Variants in HERC2 observed in about 807,000 individuals in gnomAD.
HERC2 encodes E3 ubiquitin-protein ligase HERC2.
Under a neutral mutation model 537.7 loss-of-function variants are expected in HERC2, and 102 were observed. The ratio of observed to expected loss-of-function variants is 0.19; its 90% confidence interval spans 0.16 to 0.22. The LOEUF is 0.22. Ranked by LOEUF, HERC2 falls within the 10% of genes least tolerant of loss-of-function variation. The pLI, the probability that HERC2 is intolerant of heterozygous loss-of-function variation, is 1.00. For synonymous variants in HERC2, 2,224 were observed against 2,466.2 expected, an observed-to-expected ratio of 0.90 and a Z score of 2.91; for missense variants, 4,236 against 6,198.2, an observed-to-expected ratio of 0.68 and a Z score of 10.63.
chr15:28,320,573 G>T (rs1396196842), intron 2 of HERC2: 1 of 151,956 alleles, frequency 6.6e-6, no homozygotes, highest in Non-Finnish European at 1.5e-5. Context: ...AACAGTCAAG[G>T]CACATTACTT....
At chr15:28,259,288 T>C (rs1456962435) in intron 16 of HERC2, among the ~76,000 whole-genome samples, 1 of 151,884 alleles carries the variant, frequency 6.6e-6, no homozygotes, top group Non-Finnish European at 1.5e-5. Flanking sequence ...TAGAAACAGG[T>C]TTCACCATGT....
In HERC2 at chr15:28,229,259, G is replaced by A. The variant is rs375432885; in HGVS notation, c.5208C>T (p.Tyr1736=). Reference sequence around the variant, plus strand: ...TTCGAATGTTCTGTACAGCCCAAGCGTACAGCTTGCCAAAGGTGACTTCCA... The same window carrying A: ...TTCGAATGTTCTGTACAGCCCAAGCATACAGCTTGCCAAAGGTGACTTCCA... ...MLLEVTFGKL[Y]AWAVQNIRNV... Residue 1736 remains tyrosine (Y), a synonymous_variant, in exon 34 of 93, where the codon TAC becomes TAT. Transcript: ENST00000261609. The A allele has an allele frequency of 8.7e-6, 14 of 1,613,584 alleles. No homozygotes were observed. Among genetic ancestry groups the A allele is most frequent in the East Asian group, 6.7e-5 (3 of 44,890 alleles).
At chr15:28,150,037 G>A (rs1364924070) in intron 70 of HERC2, among the ~76,000 whole-genome samples, 2 of 150,666 alleles carry the variant, frequency 1.3e-5, no homozygotes, top group Non-Finnish European at 2.9e-5. Flanking sequence ...AAAAACACAC[G>A]TGACTTCTAA....
chr15:28,206,271 A>C lies in HERC2; in HGVS notation c.7181T>G (p.Val2394Gly). 2 of 1,061,938 alleles carry C rather than the reference A, an allele frequency of 1.9e-6. No homozygotes were observed. The highest frequency in any genetic ancestry group is 2.8e-6 in the Non-Finnish European group (2 of 711,328). 65.8% of individuals were successfully genotyped at this position (1,061,938 alleles called of 1,614,324 possible). A position where few individuals can be genotyped will look rare whatever the true frequency, so the allele number is the denominator to read the frequency against. Reference protein sequence around the residue: ...LLASATQPSPVKAIFDKQELE... With the variant: ...LLASATQPSPGKAIFDKQELE... ...TTCCTGTTTATCAAATATGGCCTTC[A>C]CAGGAGACGGCTGGGTGGCCGAGGC... is the stretch of plus-strand genomic sequence containing the variant. The change falls in exon 45 of 93, where the codon GTG becomes GGG. Residue 2394 changes from valine (V) to glycine (G), a missense_variant. This residue lies in a region of HERC2 where 5 missense variants were observed against 46.4 expected (regional missense o/e 0.11). Transcript: ENST00000261609.
intron 84 of HERC2, among the ~76,000 whole-genome samples, chr15:28,124,641 C>T (rs1889278285): frequency 6.6e-6 from 1 of 152,232 alleles, no homozygotes; most frequent in Admixed American, 6.5e-5. Context: ...CAGCTTGGAC[C>T]TTTCAGACTC....
chr15:28,264,742 C>T (rs1443090863), intron 14 of HERC2, among the ~76,000 whole-genome samples: 3 of 152,058 alleles, frequency 2.0e-5, no homozygotes, highest in Admixed American at 1.3e-4. Context: ...AACTTTTAAC[C>T]GGGAAATATT....
At chr15:28,121,722 G>A (rs1028875186) in intron 85 of HERC2, among the ~76,000 whole-genome samples, 4 of 152,206 alleles carry the variant, frequency 2.6e-5, no homozygotes, top group Non-Finnish European at 5.9e-5. Flanking sequence ...CACACACAGG[G>A]CACAGAACAG....
At chr15:28,115,260 C>T (rs1252187138) in intron 89 of HERC2, 169 bp downstream of exon 89, 11 of 455,122 alleles carry the variant, frequency 2.4e-5, no homozygotes, top group Admixed American at 5.0e-5. Context: ...AATAGATGGT[C>T]TATTTTTTTT....
rs139604016 is a variant in HERC2 at position 28,181,235 on chromosome 15, G to T, written c.8937+1166C>A. Among the ~76,000 whole-genome samples, 911 of 152,258 alleles carry T rather than the reference G, an allele frequency of 6.0e-3. 11 individuals are homozygous for T. The highest frequency in any genetic ancestry group is 0.02 in the African/African-American group (833 of 41,540). On this transcript the variant is annotated intron_variant, in intron 57 of 92. Coordinates refer to ENST00000261609, the MANE Select transcript of HERC2 (RefSeq NM_004667.6). ...AGAAAGGATTTTCATCACAACCGTGGAACACCGACTCTGTCCTTGAAGTGA... is the reference window on the plus strand; with the variant it reads ...AGAAAGGATTTTCATCACAACCGTGTAACACCGACTCTGTCCTTGAAGTGA...
chr15:28,115,939 G>C (rs770358767), intron 88 of HERC2, among the ~76,000 whole-genome samples: 1 of 152,188 alleles, frequency 6.6e-6, no homozygotes, highest in Non-Finnish European at 1.5e-5. Flanking sequence ...ACAGGAAGGA[G>C]GGACTGGCCA....
At position 28,177,289 on chromosome 15, in the gene HERC2, G is replaced by T; in HGVS notation, c.9254+130C>A. On this transcript the variant is annotated intron_variant, in intron 60 of 92. Transcript: ENST00000261609. This position sits in a 1 kb window ranked among gnomAD's most constrained non-coding sequence, Gnocchi z 5.0. ...GTGAGACCAAAACACAAACAACCGT[G>T]TTAAAAAAATTTTGTTTAAGAACCA... 1 of 1,231,360 alleles carries T rather than the reference G, an allele frequency of 8.1e-7. No individual in the cohort carries two copies. Among genetic ancestry groups the T allele is most frequent in the Non-Finnish European group, 1.1e-6 (1 of 877,062 alleles). The allele number at this position is 1,231,360 out of a possible 1,614,324, so 76.3% of individuals were successfully genotyped here. A position where few individuals can be genotyped will look rare whatever the true frequency, so the allele number is the denominator to read the frequency against.
chr15:28,193,239 T>C (rs1897017968), intron 52 of HERC2, among the ~76,000 whole-genome samples: 1 of 152,190 alleles, frequency 6.6e-6, no homozygotes, highest in Non-Finnish European at 1.5e-5. Context: ...ACACAGACTT[T>C]AATATAATAA....
intron 2 of HERC2, among the ~76,000 whole-genome samples, chr15:28,313,308 G>T (rs563442640): frequency 6.6e-6 from 1 of 152,086 alleles, no homozygotes; most frequent in East Asian, 1.9e-4. Flanking sequence ...CTCCCGAGTA[G>T]CTGGGACTAC....
chr15:28,313,528 T>A (rs1191645751), intron 2 of HERC2, among the ~76,000 whole-genome samples: 1 of 152,128 alleles, frequency 6.6e-6, no homozygotes, highest in Non-Finnish European at 1.5e-5. Context: ...AATCCAAAAC[T>A]GAATAATATA....
chr15:28,292,737 T>A (rs2076352890), intron 4 of HERC2, 151 bp downstream of exon 4: 1 of 787,772 alleles, frequency 1.3e-6, no homozygotes, highest in Non-Finnish European at 2.0e-6. Context: ...AAACGGTAAG[T>A]TTTATGGTAT....
At chr15:28,249,877 G>A (rs1052964628) in intron 20 of HERC2, among the ~76,000 whole-genome samples, 5 of 148,594 alleles carry the variant, frequency 3.4e-5, no homozygotes, top group East Asian at 2.0e-4. Context: ...GGATGGTCTC[G>A]ATTTCCCGAC....
In HERC2 at chr15:28,294,516, A is replaced by C. The variant is rs528723510; in HGVS notation, c.188-1494T>G. On this transcript the variant is annotated intron_variant, in intron 3 of 92. Coordinates refer to ENST00000261609, the MANE Select transcript of HERC2 (RefSeq NM_004667.6). Reference sequence around the variant, plus strand: ...TGCCTTGACATTGGTAAAATCAAGAAGGCCTCAAATAGCCTAACCACAAGG... The same window carrying C: ...TGCCTTGACATTGGTAAAATCAAGACGGCCTCAAATAGCCTAACCACAAGG... Among the ~76,000 whole-genome samples, 17 of 149,706 alleles carry C rather than the reference A, an allele frequency of 1.1e-4. No individual in the cohort carries two copies. In the South Asian group the frequency reaches 2.6e-3, roughly 23 times the overall value.
At chr15:28,246,589 G>C (rs531741688) in intron 22 of HERC2, among the ~76,000 whole-genome samples, 153 bp downstream of exon 22, 131 of 151,576 alleles carry the variant, frequency 8.6e-4, no homozygotes, top group Admixed American at 2.4e-3. Context: ...CAACAGAACT[G>C]TCAGTAACTA....
In HERC2 at chr15:28,135,659, G is replaced by C. The variant is rs1321308318; in HGVS notation, c.12049C>G (p.Leu4017Val). 6.2e-7 allele frequency: 1 copy of C among 1,613,904 alleles called. No homozygotes were observed. The highest frequency in any genetic ancestry group is 8.5e-7 in the Non-Finnish European group (1 of 1,179,990). Residue 4017 changes from leucine to valine, a missense_variant, in exon 79 of 93, where the codon CTA becomes GTA. By Grantham distance (32) the Leu-to-Val change is conservative. Transcript: ENST00000261609. ...ACCGACTCTGTCCCTCCAATGCCTA[G>C]TCTGCCACCTGCACCATACCCAGTG... ...YATGYGAGGR[L>V]GIGGTESVST...
Sources: allele counts gnomAD v4.1 joint callset (sites outside exome capture counted in the v4.1 genomes callset), GRCh38; gene constraint gnomAD v4.1.1; regional missense constraint gnomAD v4.1.1; non-coding constraint Gnocchi (gnomAD v3.1); transcripts MANE v1.5; gene names NCBI Gene and HGNC (gene_info 2026-07-23, HGNC 2026-07-21).